Variants in TPTE2 observed in about 807,000 individuals in gnomAD.
The protein encoded by TPTE2 is transmembrane phosphoinositide 3-phosphatase and tensin homolog 2.
Under a neutral mutation model 78.6 loss-of-function variants are expected in TPTE2, and 53 were observed. The observed-to-expected ratio is 0.67, with a 90% CI of 0.54 to 0.85. The LOEUF is 0.85. TPTE2 is among the 40% of genes least tolerant of loss of function. TPTE2 has a pLI of 0.00. For synonymous variants in TPTE2, 175 were observed against 206.2 expected (o/e 0.85, Z 1.30); for missense variants, 461 against 623.0 (o/e 0.74, Z 2.77).
intron 1 of TPTE2, among the ~76,000 whole-genome samples, chr13:19,530,605 C>T (rs532460347): frequency 6.6e-6 from 1 of 152,186 alleles, no homozygotes; most frequent in East Asian, 1.9e-4. Flanking sequence ...AGTGCAGTGG[C>T]ATGATCGCAG....
At chr13:19,489,607 C>G (rs1261231730) in intron 3 of TPTE2, among the ~76,000 whole-genome samples, 1 of 149,296 alleles carries the variant, frequency 6.7e-6, no homozygotes, top group Admixed American at 6.7e-5. Flanking sequence ...TATATATACA[C>G]ACATTTAAAT....
chr13:19,520,138 T>C (rs775560888), intron 1 of TPTE2, among the ~76,000 whole-genome samples: 1 of 152,132 alleles, frequency 6.6e-6, no homozygotes, highest in Non-Finnish European at 1.5e-5. Context: ...TTTGTTGTTG[T>C]TGTGGGTTCC....
At chr13:19,473,002 C>T (rs1234761520) in intron 6 of TPTE2, among the ~76,000 whole-genome samples, 2 of 152,204 alleles carry the variant, frequency 1.3e-5, no homozygotes, top group Non-Finnish European at 2.9e-5. Context: ...GGATAATTCT[C>T]TGCATTACCA....
intron 1 of TPTE2, among the ~76,000 whole-genome samples, chr13:19,531,460 T>G (rs1870862805): frequency 6.6e-6 from 1 of 152,120 alleles, no homozygotes; most frequent in African/African-American, 2.4e-5. Context: ...GATTTCCAAT[T>G]CTATGTTAAG....
chr13:19,530,797 T>A (rs1870820778), intron 1 of TPTE2, among the ~76,000 whole-genome samples: 1 of 152,136 alleles, frequency 6.6e-6, no homozygotes, highest in Non-Finnish European at 1.5e-5. Flanking sequence ...TGTGTTGGGA[T>A]TACAGATGTA....
intron 1 of TPTE2, among the ~76,000 whole-genome samples, chr13:19,516,739 G>A (rs570959386): frequency 6.6e-6 from 1 of 152,254 alleles, no homozygotes; most frequent in Admixed American, 6.5e-5. Flanking sequence ...CACCATTAGG[G>A]CAACCAGCCG....
chr13:19,447,347 A>C (rs2137522148), intron 13 of TPTE2, among the ~76,000 whole-genome samples: 1 of 152,364 alleles, frequency 6.6e-6, no homozygotes, highest in South Asian at 2.1e-4. Context: ...AGCATTAGTT[A>C]ATAGAAAGCT....
exon 15 of TPTE2, chr13:19,436,235 A>C: frequency 6.2e-7 from 1 of 1,612,180 alleles, no homozygotes. Context: ...CCTGAGAAGG[A>C]GTTTCTACTC....
At chr13:19,517,096 T>C (rs548226538) in intron 1 of TPTE2, among the ~76,000 whole-genome samples, 1 of 152,302 alleles carries the variant, frequency 6.6e-6, no homozygotes, top group South Asian at 2.1e-4. Context: ...AGTTTCTCCC[T>C]GTAAGCCCTG....
At chr13:19,442,674 C>G (rs1166046356) in intron 13 of TPTE2, among the ~76,000 whole-genome samples, 1 of 151,492 alleles carries the variant, frequency 6.6e-6, no homozygotes, top group African/African-American at 2.4e-5. Flanking sequence ...TGAGACTAAT[C>G]AAAAGAAAAA....
At chr13:19,536,202 ACT>A (rs1246849247) in intron 1 of TPTE2, among the ~76,000 whole-genome samples, 3 of 152,066 alleles carry the variant, frequency 2.0e-5, no homozygotes, top group Non-Finnish European at 4.4e-5. Flanking sequence ...TAATTCTGAG[ACT>A]CTACTAATGA....
upstream of TPTE2, among the ~76,000 whole-genome samples, chr13:19,503,881 C>T (rs1298058502): frequency 2.0e-5 from 3 of 152,176 alleles, no homozygotes; most frequent in Non-Finnish European, 4.4e-5. Context: ...CCTGGGACTA[C>T]AGGCGCCCGC....
At chr13:19,468,483 G>A (rs1879424507) in intron 6 of TPTE2, among the ~76,000 whole-genome samples, 1 of 152,212 alleles carries the variant, frequency 6.6e-6, no homozygotes, top group Non-Finnish European at 1.5e-5. Context: ...AACAGGGAAT[G>A]CAGATATCTC....
chr13:19,424,283 G>A lies in TPTE2; in HGVS notation c.1466+664C>T, dbSNP rs545519905. Among the ~76,000 whole-genome samples the A allele has an allele frequency of 2.6e-5, 4 of 152,274 alleles. No homozygotes were observed. The South Asian group carries it at 8.3e-4, about 32-fold the overall frequency. ...AATTTTTCACCATCACAAAACAAAT[G>A]CTACTTATAGTGGAGAACTTCTAGA... is the stretch of plus-strand genomic sequence containing the variant. On this transcript the variant is annotated intron_variant, in intron 19 of 19. Transcript: ENST00000400230.
At chr13:19,484,267 T>A (rs905776674) in intron 3 of TPTE2, among the ~76,000 whole-genome samples, 4 of 152,222 alleles carry the variant, frequency 2.6e-5, no homozygotes, top group African/African-American at 9.6e-5. Context: ...TCTGTATAGT[T>A]TTGAATGTTC....
In TPTE2 at chr13:19,473,286, C is replaced by T. The variant is rs141834708; in HGVS notation, c.392+628G>A. Among the ~76,000 whole-genome samples the T allele has an allele frequency of 5.0e-3, 759 of 152,324 alleles. 8 individuals carry two copies. Among genetic ancestry groups the T allele is most frequent in the African/African-American group, 0.017 (722 of 41,572 alleles). On this transcript the variant is annotated intron_variant, in intron 6 of 19. Coordinates refer to ENST00000400230, the Ensembl canonical transcript of TPTE2. ...AAAAACAGCCAGGCCTGTGTCCTTC[C>T]CTTCAGGATGGCAAGTTGTCCTAGC...
At chr13:19,555,754 G>T in the TPTE2 span, among the ~76,000 whole-genome samples, 1 of 147,144 alleles carries the variant, frequency 6.8e-6, no homozygotes, top group African/African-American at 2.5e-5. Flanking sequence ...GAATCTTCAA[G>T]CATCTCTTTT....
At position 19,435,755 on chromosome 13, in the gene TPTE2, GACACAC is replaced by G. The variant is rs60130804; in HGVS notation, c.1116+465_1116+470del. On this transcript the variant is annotated intron_variant, in intron 15 of 19. Transcript: ENST00000400230. ...CATCTCCCCCACAACACACAGAAAA[GACACAC>G]ACACACACACACACACACACACACA... is the stretch of plus-strand genomic sequence containing the variant. Among the ~76,000 whole-genome samples, 965 of 137,722 alleles carry G rather than the reference GACACAC, an allele frequency of 7.0e-3. 3 individuals are homozygous for G. The highest frequency in any genetic ancestry group is 0.022 in the African/African-American group (850 of 37,842). 90.4% of individuals were successfully genotyped at this position (137,722 alleles called of 152,430 possible).
At chr13:19,423,966 A>T (rs140094788) in intron 19 of TPTE2, among the ~76,000 whole-genome samples, 40 of 152,360 alleles carry the variant, frequency 2.6e-4, no homozygotes, top group African/African-American at 7.7e-4. Flanking sequence ...CATCTAAAAA[A>T]AATACTTGTA....
Sources: allele counts gnomAD v4.1 joint callset (sites outside exome capture counted in the v4.1 genomes callset), GRCh38; gene constraint gnomAD v4.1.1; transcripts MANE v1.5; gene names NCBI Gene and HGNC (gene_info 2026-07-23, HGNC 2026-07-21).